Variants in LZTFL1 observed in about 807,000 individuals in gnomAD.
LZTFL1 encodes the protein leucine zipper transcription factor like 1, also known as leucine zipper transcription factor-like protein 1.
LZTFL1 carries 25 observed loss-of-function variants against 45.9 expected under a neutral mutation model. That is an observed-to-expected ratio of 0.54 (90% CI 0.40 to 0.76). The LOEUF is 0.76. Ranked by LOEUF, LZTFL1 falls within the 30% of genes least tolerant of loss-of-function variation. The pLI, the probability that LZTFL1 is intolerant of heterozygous loss-of-function variation, is 0.00. For synonymous variants in LZTFL1, 93 were observed against 117.4 expected, an observed-to-expected ratio of 0.79 and a Z score of 1.35; for missense variants, 277 against 331.1, an observed-to-expected ratio of 0.84 and a Z score of 1.27.
chr3:45,879,765 A>G (rs62245081), intron 2 of LZTFL1, among the ~76,000 whole-genome samples: 42,788 of 152,094 alleles, frequency 0.28, 6,597 homozygotes, highest in African/African-American at 0.39. Context: ...GCGGGTATAT[A>G]GGAACTCTCT....
At chr3:45,832,851 G>A (rs1361138955) in intron 5 of LZTFL1, 199 bp downstream of exon 5, 3 of 465,110 alleles carry the variant, frequency 6.5e-6, no homozygotes, top group Non-Finnish European at 1.2e-5. Flanking sequence ...TTGAAAAGGT[G>A]TGATCAGGAG....
intron 2 of LZTFL1, among the ~76,000 whole-genome samples, chr3:45,891,948 G>A (rs1461587800): frequency 1.3e-5 from 2 of 152,142 alleles, no homozygotes; most frequent in African/African-American, 4.8e-5. Context: ...TAGGACAAAT[G>A]TGACACTGGT....
At chr3:45,881,622 T>C (rs1701862035) in intron 2 of LZTFL1, among the ~76,000 whole-genome samples, 1 of 152,160 alleles carries the variant, frequency 6.6e-6, no homozygotes, top group South Asian at 2.1e-4. Context: ...CCTTTAAGGG[T>C]TTTGATTACT....
At chr3:45,915,215 C>A (rs1032214206) in intron 1 of LZTFL1, among the ~76,000 whole-genome samples, 5 of 152,196 alleles carry the variant, frequency 3.3e-5, no homozygotes, top group African/African-American at 1.2e-4. Context: ...CCCTTTCTTC[C>A]AATGAGAAAG....
chr3:45,897,950 TGA>T (rs1403719680), intron 2 of LZTFL1, among the ~76,000 whole-genome samples: 1 of 138,906 alleles, frequency 7.2e-6, no homozygotes, highest in East Asian at 2.0e-4. Flanking sequence ...CAGGCTCATG[TGA>T]GAGTCTATTA....
At chr3:45,891,824 A>G (rs1702188291) in intron 2 of LZTFL1, among the ~76,000 whole-genome samples, 1 of 152,044 alleles carries the variant, frequency 6.6e-6, no homozygotes, top group African/African-American at 2.4e-5. Context: ...TATTTGGCCA[A>G]TTACTTTGCA....
At chr3:45,914,474 A>G (rs1575315720) in intron 1 of LZTFL1, among the ~76,000 whole-genome samples, 2 of 151,922 alleles carry the variant, frequency 1.3e-5, no homozygotes, top group African/African-American at 2.4e-5. Flanking sequence ...GGGTCTCCCT[A>G]TGTTATGCAG....
At chr3:45,855,087 A>G (rs1701368718) in intron 3 of LZTFL1, 2 of 1,461,386 alleles carry the variant, frequency 1.4e-6, no homozygotes, top group Non-Finnish European at 1.8e-6. Flanking sequence ...AGAAAATGAG[A>G]GTTCGAGTTA....
At chr3:45,863,202 G>A (rs887770776) in intron 2 of LZTFL1, among the ~76,000 whole-genome samples, 2 of 152,156 alleles carry the variant, frequency 1.3e-5, no homozygotes, top group Non-Finnish European at 2.9e-5. Context: ...CCTTCAGGTA[G>A]GAACTATATT....
chr3:45,872,007 C>A (rs576692554), intron 2 of LZTFL1, among the ~76,000 whole-genome samples: 1 of 152,184 alleles, frequency 6.6e-6, no homozygotes, highest in African/African-American at 2.4e-5. Context: ...AGGGGCTCAT[C>A]GCTTACTGGT....
chr3:45,882,707 G>A (rs1350674575), intron 2 of LZTFL1, among the ~76,000 whole-genome samples: 3 of 152,052 alleles, frequency 2.0e-5, no homozygotes, highest in East Asian at 1.9e-4. Flanking sequence ...AGGTATCAGC[G>A]TTGTGGATTG....
In LZTFL1 at chr3:45,833,086, T is replaced by C. The variant is rs762779823; in HGVS notation, c.420A>G (p.Pro140=). 8.1e-6 allele frequency: 13 copies of C among 1,613,804 alleles called. No homozygotes were observed. In the Admixed American group the frequency reaches 1.8e-4, roughly 23 times the overall value. Residue 140 remains proline (P), a synonymous_variant, in exon 5 of 10, where the codon CCA becomes CCG. Transcript: ENST00000296135. ...GTTCTGCTGTTCCACCTTCATTAAGTGGAGCAAGTTTTGGCTTTGTGACAT... is the reference window on the plus strand; with the variant it reads ...GTTCTGCTGTTCCACCTTCATTAAGCGGAGCAAGTTTTGGCTTTGTGACAT... ...ILDVTKPKLA[P]LNEGGTAELL... is the part of the protein sequence containing the mutation.
intron 2 of LZTFL1, among the ~76,000 whole-genome samples, chr3:45,878,589 C>T (rs1438438928): frequency 6.7e-6 from 1 of 148,812 alleles, no homozygotes; most frequent in East Asian, 2.0e-4. Flanking sequence ...CACAAAGGCC[C>T]TCAAGTAAAA....
intron 2 of LZTFL1, chr3:45,886,500 C>T (rs1170285978): frequency 6.6e-6 from 1 of 152,238 alleles, no homozygotes; most frequent in African/African-American, 2.4e-5. Context: ...GCAGGGGTGG[C>T]CTGGCTTCCT....
In LZTFL1 at chr3:45,823,692, T is replaced by C. The variant is rs1700597186; in HGVS notation, c.*2622A>G. The C allele has an allele frequency of 6.6e-6, 1 of 152,374 alleles. No homozygotes were observed. Among genetic ancestry groups the C allele is most frequent in the South Asian group, 2.1e-4 (1 of 4,832 alleles). 9.4% of individuals were successfully genotyped at this position (152,374 alleles called of 1,614,324 possible). A position where few individuals can be genotyped will look rare whatever the true frequency, so the allele number is the denominator to read the frequency against. ...GTCTAAATGTGAAATATCATTTTGC[T>C]GAAATAGCTTTTCTTTCTGGAAGAC... On this transcript the variant is annotated 3_prime_UTR_variant, in exon 10 of 10. Coordinates refer to ENST00000296135, the MANE Select transcript of LZTFL1 (RefSeq NM_020347.4).
At chr3:45,907,361 G>T (rs886360525) in intron 2 of LZTFL1, among the ~76,000 whole-genome samples, 64 of 152,224 alleles carry the variant, frequency 4.2e-4, no homozygotes, top group African/African-American at 1.5e-3. Flanking sequence ...CCACCTGGAC[G>T]AACACTGTGC....
chr3:45,829,765 T>G (rs1186369235), intron 7 of LZTFL1, among the ~76,000 whole-genome samples: 1 of 152,156 alleles, frequency 6.6e-6, no homozygotes, highest in African/African-American at 2.4e-5. Flanking sequence ...AAAGTAAAAT[T>G]GGAGCAAAGC....
intron 2 of LZTFL1, among the ~76,000 whole-genome samples, chr3:45,874,297 G>C (rs959444894): frequency 6.6e-6 from 1 of 152,140 alleles, no homozygotes; most frequent in African/African-American, 2.4e-5. Flanking sequence ...GGGGTTGTGG[G>C]GAGGTGAAGG....
upstream of LZTFL1, among the ~76,000 whole-genome samples, chr3:45,846,123 T>C (rs1191457045): frequency 6.6e-6 from 1 of 152,154 alleles, no homozygotes; most frequent in Admixed American, 6.5e-5. Context: ...CCAGATACTG[T>C]GTTTGTGGGT....
Sources: gnomAD v4.1 joint callset for allele counts (sites outside exome capture counted in the v4.1 genomes callset) on GRCh38, gnomAD v4.1.1 for gene constraint, MANE v1.5 for transcripts, NCBI Gene and HGNC (gene_info 2026-07-23, HGNC 2026-07-21) for gene names.